Variants in CDH20 observed in about 807,000 individuals in gnomAD.
CDH20 encodes cadherin 20.
In CDH20, 29 loss-of-function variants were observed where a neutral mutation model predicts 74.2. That is an observed-to-expected ratio of 0.39 (90% CI 0.29 to 0.53). The LOEUF is 0.53. Among genes scored for constraint, CDH20 ranks in the 20% least tolerant of loss-of-function variants. The pLI, the probability that CDH20 is intolerant of heterozygous loss-of-function variation, is 0.69. For missense variants in CDH20, 988 were observed against 1,048.3 expected (o/e 0.94, Z 0.79); for synonymous variants, 469 against 405.4 (o/e 1.16, Z -1.88).
rs560743685 is a variant in CDH20, at chr18:61,488,368, C to T, written c.-152-2034C>T. On this transcript the variant is annotated intron_variant, in intron 1 of 11. Transcript: ENST00000262717. ...AAAGGTATCCATAAAATATATATTT[C>T]TGGCTTAGCTCCATGATTTTTACAT... Among the ~76,000 whole-genome samples the T allele has an allele frequency of 1.1e-4, 17 of 152,216 alleles. No individual in the cohort carries two copies. The East Asian group carries it at 3.3e-3, about 29-fold the overall frequency.
At chr18:61,554,145 G>A (rs764746295) in intron 11 of CDH20, 45 bp from the exon 12 acceptor site, 3 of 1,574,152 alleles carry the variant, frequency 1.9e-6, no homozygotes, top group East Asian at 2.2e-5. Flanking sequence ...CGCACACACA[G>A]CCACATCTCC....
At chr18:61,336,857 A>C (rs932823132) in intron 1 of CDH20, among the ~76,000 whole-genome samples, 1 of 152,176 alleles carries the variant, frequency 6.6e-6, no homozygotes. Context: ...ACCCTAAAAA[A>C]AAAATGTCCA....
At chr18:61,432,781 C>A (rs776577932) in intron 1 of CDH20, among the ~76,000 whole-genome samples, 1 of 152,160 alleles carries the variant, frequency 6.6e-6, no homozygotes, top group Non-Finnish European at 1.5e-5. Flanking sequence ...CCTTTTCCTT[C>A]CTTCCTTTCT....
chr18:61,362,593 C>T (rs370377556), intron 1 of CDH20, among the ~76,000 whole-genome samples: 10 of 151,980 alleles, frequency 6.6e-5, no homozygotes, highest in African/African-American at 2.4e-4. Flanking sequence ...ATAAGTACTA[C>T]GGAGATGAAA....
intron 11 of CDH20, 115 bp from the exon 12 acceptor site, chr18:61,554,073 CTG>C: frequency 8.0e-7 from 1 of 1,250,276 alleles, no homozygotes; most frequent in Non-Finnish European, 1.1e-6. Flanking sequence ...AAAGCTATCT[CTG>C]AGCCCTCCAC....
intron 1 of CDH20, among the ~76,000 whole-genome samples, chr18:61,398,246 C>T (rs1440111429): frequency 2.0e-5 from 3 of 152,192 alleles, no homozygotes; most frequent in Admixed American, 6.5e-5. Context: ...GTCTTATTTA[C>T]TCTAATTTTA....
intron 1 of CDH20, among the ~76,000 whole-genome samples, chr18:61,442,015 A>C (rs565991443): frequency 9.2e-5 from 14 of 152,278 alleles, no homozygotes; most frequent in Admixed American, 5.9e-4. Flanking sequence ...AGGACCCACA[A>C]AATCTTTTAG....
chr18:61,494,310 A>G (rs966215643), intron 2 of CDH20, among the ~76,000 whole-genome samples: 1 of 152,162 alleles, frequency 6.6e-6, no homozygotes, highest in Non-Finnish European at 1.5e-5. Flanking sequence ...CTGCTTCCTG[A>G]ACCCTTGATC....
At chr18:61,539,899 G>T (rs897748951) in intron 9 of CDH20, among the ~76,000 whole-genome samples, 6 of 152,076 alleles carry the variant, frequency 3.9e-5, no homozygotes, top group African/African-American at 1.4e-4. Context: ...AAGGATAAAG[G>T]TCTACTTATT....
intron 1 of CDH20, among the ~76,000 whole-genome samples, chr18:61,430,456 C>A (rs147503347): frequency 2.2e-4 from 34 of 152,194 alleles, no homozygotes; most frequent in African/African-American, 7.7e-4. Context: ...ACAGTGTTGT[C>A]CGGTTTCTCC....
At chr18:61,528,977 T>C (rs1912548706) in intron 7 of CDH20, among the ~76,000 whole-genome samples, 5 of 152,222 alleles carry the variant, frequency 3.3e-5, no homozygotes, top group Admixed American at 3.3e-4. Flanking sequence ...ACCAAGTATC[T>C]ATCTCTCCAA....
chr18:61,338,227 T>C (rs1051337485), intron 1 of CDH20, among the ~76,000 whole-genome samples: 5 of 152,178 alleles, frequency 3.3e-5, no homozygotes, highest in African/African-American at 4.8e-5. Context: ...ATGCACTGTC[T>C]ACAGCAATTA....
At chr18:61,548,896 A>G (rs777712965) in intron 10 of CDH20, among the ~76,000 whole-genome samples, 1 of 152,248 alleles carries the variant, frequency 6.6e-6, no homozygotes, top group Non-Finnish European at 1.5e-5. Context: ...TATTATGTCC[A>G]AAATGGGAAG....
intron 1 of CDH20, among the ~76,000 whole-genome samples, chr18:61,415,278 G>A (rs1011648704): frequency 2.6e-5 from 4 of 152,068 alleles, no homozygotes; most frequent in Non-Finnish European, 5.9e-5. Flanking sequence ...TATATTTTAA[G>A]TCATTTTACA....
intron 10 of CDH20, among the ~76,000 whole-genome samples, chr18:61,548,181 T>C (rs572761721): frequency 6.6e-6 from 1 of 152,320 alleles, no homozygotes; most frequent in Admixed American, 6.5e-5. Flanking sequence ...TGGCATCCTT[T>C]CTCCATTGGG....
chr18:61,381,794 T>C (rs1911440715), intron 1 of CDH20, among the ~76,000 whole-genome samples: 1 of 152,206 alleles, frequency 6.6e-6, no homozygotes, highest in South Asian at 2.1e-4. Context: ...GTCTGAGATT[T>C]CTTCTTGAAC....
At chr18:61,403,955 A>T (rs1568126406) in intron 1 of CDH20, among the ~76,000 whole-genome samples, 1 of 152,204 alleles carries the variant, frequency 6.6e-6, no homozygotes, top group Non-Finnish European at 1.5e-5. Context: ...GGTGGAAGTC[A>T]TTATCCTCTG....
At chr18:61,549,859 A>AG in intron 10 of CDH20, 119 bp from the exon 11 acceptor site, 1 of 1,048,924 alleles carries the variant, frequency 9.5e-7, no homozygotes, top group Non-Finnish European at 1.4e-6. Flanking sequence ...GACCACTACC[A>AG]GGGAATATCT....
chr18:61,401,110 AG>A (rs1912138072), intron 1 of CDH20, among the ~76,000 whole-genome samples: 1 of 152,204 alleles, frequency 6.6e-6, no homozygotes, highest in Non-Finnish European at 1.5e-5. Context: ...ATGCTAATAG[AG>A]GACACTATCT....
Sources: allele counts gnomAD v4.1 joint callset (sites outside exome capture counted in the v4.1 genomes callset), GRCh38; gene constraint gnomAD v4.1.1; transcripts MANE v1.5; gene names NCBI Gene and HGNC (gene_info 2026-07-23, HGNC 2026-07-21).